Variants in TMEM114 observed in about 807,000 individuals in gnomAD.
TMEM114 encodes the protein claudin-26.
In TMEM114, 6 loss-of-function variants were observed where a neutral mutation model predicts 6.2. That is an observed-to-expected ratio of 0.97 (90% CI 0.53 to 1.91). The LOEUF is 1.91. Ranked by LOEUF, TMEM114 falls within the 40% of genes most tolerant of loss-of-function variation. TMEM114 has a pLI of 0.01. For missense variants in TMEM114, 218 were observed against 158.3 expected, an observed-to-expected ratio of 1.38 and a Z score of -2.02; for synonymous variants, 104 against 73.0, an observed-to-expected ratio of 1.42 and a Z score of -2.16.
At chr16:8,567,337 C>A (rs958298046), downstream of TMEM114, among the ~76,000 whole-genome samples, 1 of 152,148 alleles carries the variant, frequency 6.6e-6, no homozygotes, top group African/African-American at 2.4e-5. Context: ...TTGGCCACCC[C>A]CATGAATGTG....
chr16:8,567,811 A>G (rs895824040), downstream of TMEM114, among the ~76,000 whole-genome samples: 3 of 152,182 alleles, frequency 2.0e-5, no homozygotes, highest in Admixed American at 2.0e-4. Context: ...CCACAATACG[A>G]CCAGCAGGTG....
At chr16:8,555,563 G>A (rs1421882880) in intron 2 of TMEM114, among the ~76,000 whole-genome samples, 1 of 152,170 alleles carries the variant, frequency 6.6e-6, no homozygotes, top group Admixed American at 6.5e-5. Context: ...GCTGGTAGAT[G>A]CGTCTTTTGG....
At chr16:8,574,877 C>A (rs1901864708) in intron 2 of TMEM114, among the ~76,000 whole-genome samples, 1 of 152,164 alleles carries the variant, frequency 6.6e-6, no homozygotes, top group Non-Finnish European at 1.5e-5. Context: ...ATAAAATCTC[C>A]TGCTGAAATT....
At chr16:8,564,599 G>A (rs1464637172), downstream of TMEM114, among the ~76,000 whole-genome samples, 1 of 148,278 alleles carries the variant, frequency 6.7e-6, no homozygotes, top group African/African-American at 2.6e-5. Context: ...GTGAGTGACG[G>A]AGGGAGGGAA....
chr16:8,558,623 C>G (rs77971136), intron 2 of TMEM114, among the ~76,000 whole-genome samples: 1 of 152,122 alleles, frequency 6.6e-6, no homozygotes, highest in African/African-American at 2.4e-5. Context: ...CATGCTTGAA[C>G]CTCCAACAGT....
At chr16:8,562,701 T>C (rs528650826) in intron 2 of TMEM114, among the ~76,000 whole-genome samples, 12,589 of 145,562 alleles carry the variant, frequency 0.086, 748 homozygotes, top group Middle Eastern at 0.16. Flanking sequence ...AATGAGTGAG[T>C]GAGTAAATGA....
chr16:8,577,255 C>T (rs978953426), intron 2 of TMEM114, among the ~76,000 whole-genome samples: 1 of 152,238 alleles, frequency 6.6e-6, no homozygotes, highest in Non-Finnish European at 1.5e-5. Flanking sequence ...TCTCCCACAG[C>T]CCCTGCAGCT....
At chr16:8,542,271 C>T (rs187393416) in intron 2 of TMEM114, among the ~76,000 whole-genome samples, 16 of 152,312 alleles carry the variant, frequency 1.1e-4, no homozygotes, top group South Asian at 1.0e-3. Context: ...TCTAGAACCT[C>T]TACTGAAGTG....
At chr16:8,572,459 A>G (rs1000580042) in intron 2 of TMEM114, among the ~76,000 whole-genome samples, 18 of 152,272 alleles carry the variant, frequency 1.2e-4, no homozygotes, top group Admixed American at 6.5e-4. Context: ...TTTTTGAGAC[A>G]GGGTCTTGCT....
downstream of TMEM114, among the ~76,000 whole-genome samples, chr16:8,566,199 T>A (rs555690921): frequency 3.3e-5 from 5 of 152,084 alleles, no homozygotes; most frequent in Non-Finnish European, 5.9e-5. Context: ...TAAAACCGCA[T>A]TTCTACTAAA....
intron 2 of TMEM114, among the ~76,000 whole-genome samples, chr16:8,553,824 C>T (rs1344329200): frequency 1.3e-5 from 2 of 151,992 alleles, no homozygotes; most frequent in Non-Finnish European, 2.9e-5. Flanking sequence ...CTCAGCCTCC[C>T]AAGTAGCTGG....
At chr16:8,534,797 G>A (rs1038525412), downstream of TMEM114, among the ~76,000 whole-genome samples, 1 of 152,206 alleles carries the variant, frequency 6.6e-6, no homozygotes, top group Non-Finnish European at 1.5e-5. Flanking sequence ...CGCTATGGTT[G>A]TACTCCTAGA....
chr16:8,583,108 G>A (rs1011053359), intron 2 of TMEM114, among the ~76,000 whole-genome samples: 4 of 152,146 alleles, frequency 2.6e-5, no homozygotes, highest in Non-Finnish European at 5.9e-5. Context: ...AGTGCCTCTT[G>A]GGCTGTTGTG....
chr16:8,581,325 A>G (rs1397139448), intron 2 of TMEM114, among the ~76,000 whole-genome samples: 1 of 152,204 alleles, frequency 6.6e-6, no homozygotes, highest in East Asian at 1.9e-4. Context: ...CACAACATGA[A>G]TATACACCTA....
chr16:8,585,674 A>C (rs2141701917), intron 2 of TMEM114, among the ~76,000 whole-genome samples: 1 of 152,236 alleles, frequency 6.6e-6, no homozygotes. Flanking sequence ...CAAGGAGTAC[A>C]TGGTATGAAG....
In TMEM114 at chr16:8,569,679, C is replaced by G. The variant is rs955045429; in HGVS notation, c.*94G>C. ...GGGGGTGCCTGGCCTCCCCGAGTGG[C>G]CTTTGAGGAAGAAGAGGCCGCAGCC... On this transcript the variant is annotated 3_prime_UTR_variant, in exon 4 of 4. Coordinates refer to ENST00000620492, the MANE Select transcript of TMEM114 (RefSeq NM_001146336.2). The G allele has an allele frequency of 1.4e-6, 2 of 1,452,568 alleles. No homozygotes were observed. Among genetic ancestry groups the G allele is most frequent in the African/African-American group, 2.8e-5 (2 of 70,336 alleles). 90.0% of individuals were successfully genotyped at this position (1,452,568 alleles called of 1,614,324 possible).
intron 2 of TMEM114, among the ~76,000 whole-genome samples, chr16:8,563,617 C>CTGAATGAGTGAGTGAATGAG (rs1567203091): frequency 1.5e-5 from 2 of 132,594 alleles, no homozygotes; most frequent in African/African-American, 3.0e-5. Context: ...AAATGAGTGA[C>CTGAATGAGTGAGTGAATGAG]TGAATGAGTG....
chr16:8,578,556 G>A (rs1456531097), intron 2 of TMEM114, among the ~76,000 whole-genome samples: 1 of 152,158 alleles, frequency 6.6e-6, no homozygotes, highest in East Asian at 1.9e-4. Context: ...ACATTCGCAG[G>A]TACTGGGGCT....
At chr16:8,589,163 C>T in intron 2 of TMEM114, 50 bp downstream of exon 2, 1 of 398,600 alleles carries the variant, frequency 2.5e-6, no homozygotes. Flanking sequence ...CTCCAGAACT[C>T]ACGGCTAGGA....
Sources: gnomAD v4.1 joint callset for allele counts (sites outside exome capture counted in the v4.1 genomes callset) on GRCh38, gnomAD v4.1.1 for gene constraint, MANE v1.5 for transcripts, NCBI Gene and HGNC (gene_info 2026-07-23, HGNC 2026-07-21) for gene names.